The following SLC39A9 variants were observed in gnomAD, a reference collection of about 807,000 sequenced individuals.
SLC39A9 encodes zinc transporter ZIP9.
SLC39A9 carries 14 observed loss-of-function variants against 28.4 expected under a neutral mutation model. The ratio of observed to expected loss-of-function variants is 0.49; its 90% confidence interval spans 0.33 to 0.77. SLC39A9 has a LOEUF of 0.77. SLC39A9 is among the 30% of genes least tolerant of loss of function. The probability of loss-of-function intolerance (pLI) is 0.02; values close to 1 mark genes in which losing one functional copy is unlikely to be tolerated. For missense variants in SLC39A9, 283 were observed against 381.1 expected (o/e 0.74, Z 2.14); for synonymous variants, 119 against 149.6 (o/e 0.80, Z 1.49).
chr14:69,454,553 C>G, intron 4 of SLC39A9: 1 of 326,120 alleles, frequency 3.1e-6, no homozygotes, highest in Non-Finnish European at 5.5e-6. Context: ...ACAACAACAG[C>G]AACCAAAATA....
chr14:69,430,243 G>A (rs1884419185), intron 2 of SLC39A9, among the ~76,000 whole-genome samples: 2 of 151,974 alleles, frequency 1.3e-5, no homozygotes, highest in Admixed American at 6.6e-5. Context: ...TTTGCTTTTG[G>A]TGTCATATCT....
rs1474312701 is a variant in SLC39A9 at position 69,460,994 on chromosome 14, G to A, written c.*2401G>A. On this transcript the variant is annotated 3_prime_UTR_variant, in exon 7 of 7. Transcript: ENST00000336643. The stretch of plus-strand genomic sequence containing the variant: ...GCATGGTGGGCAGTATTCCAGGAGA[G>A]GCCATGTCCGTGTTCACTTCTTGGC... 3.0e-6 allele frequency: 3 copies of A among 985,412 alleles called. No individual in the cohort carries two copies. The highest frequency in any genetic ancestry group is 3.5e-5 in the African/African-American group (2 of 57,216). 61.0% of individuals were successfully genotyped at this position (985,412 alleles called of 1,614,324 possible).
In SLC39A9 at chr14:69,461,164, TTGA is replaced by T. The variant is rs1314134230; in HGVS notation, c.*2578_*2580del. On this transcript the variant is annotated 3_prime_UTR_variant, in exon 7 of 7. Coordinates refer to ENST00000336643, the MANE Select transcript of SLC39A9 (RefSeq NM_018375.5). Reference sequence around the variant, plus strand: ...ATTATTGGCTACCAAAGAGACGCAATTGATGATGAGAAGCATGATTCTTGCTTC... The same window carrying T: ...ATTATTGGCTACCAAAGAGACGCAATTGATGAGAAGCATGATTCTTGCTTC... 1.3e-5 allele frequency: 13 copies of T among 987,272 alleles called. No homozygotes were observed. Among genetic ancestry groups the T allele is most frequent in the Non-Finnish European group, 1.4e-5 (12 of 831,138 alleles). 61.2% of individuals were successfully genotyped at this position (987,272 alleles called of 1,614,324 possible). A position where few individuals can be genotyped will look rare whatever the true frequency, so the allele number is the denominator to read the frequency against.
intron 1 of SLC39A9, among the ~76,000 whole-genome samples, chr14:69,423,163 TCTA>T (rs1252695867): frequency 3.9e-5 from 6 of 152,218 alleles, no homozygotes; most frequent in Admixed American, 1.3e-4. Flanking sequence ...TATAACTTGT[TCTA>T]CTTATAAATA....
At chr14:69,406,538 C>G (rs1476241433) in intron 1 of SLC39A9, among the ~76,000 whole-genome samples, 1 of 151,936 alleles carries the variant, frequency 6.6e-6, no homozygotes, top group Non-Finnish European at 1.5e-5. Flanking sequence ...GAATTCCACA[C>G]TGGGCTGAGC....
At chr14:69,400,989 A>T (rs1325840188) in intron 1 of SLC39A9, among the ~76,000 whole-genome samples, 1 of 151,994 alleles carries the variant, frequency 6.6e-6, no homozygotes, top group Non-Finnish European at 1.5e-5. Context: ...TTAAAAAAAA[A>T]AAAAAAGAAA....
intron 2 of SLC39A9, among the ~76,000 whole-genome samples, chr14:69,440,259 C>CT (rs1884978345): frequency 6.6e-6 from 1 of 152,114 alleles, no homozygotes; most frequent in East Asian, 1.9e-4. Context: ...TGCACTCCAA[C>CT]CTGGGTACAG....
At chr14:69,410,863 A>T (rs1883224124) in intron 1 of SLC39A9, among the ~76,000 whole-genome samples, 1 of 150,638 alleles carries the variant, frequency 6.6e-6, no homozygotes, top group Admixed American at 6.6e-5. Flanking sequence ...TGACACTTTG[A>T]CTACTAAAAT....
rs536289588 is a variant in SLC39A9, at chr14:69,450,958, G to A, written c.404-2283G>A. ...TGCAGAGTTTTATGTATTATAAAAT[G>A]TCAATAAAATGTATTTATTAAATTT... On this transcript the variant is annotated intron_variant, in intron 3 of 6. Coordinates refer to ENST00000336643, the MANE Select transcript of SLC39A9 (RefSeq NM_018375.5). Among the ~76,000 whole-genome samples the A allele has an allele frequency of 3.3e-5, 5 of 152,212 alleles. No homozygotes were observed. The East Asian group carries it at 5.8e-4, about 18-fold the overall frequency.
Position 69,455,717 on chromosome 14 carries a change from A to G in SLC39A9, c.559-15A>G, listed in dbSNP as rs1885826074. 11 of 1,613,910 alleles carry G rather than the reference A, an allele frequency of 6.8e-6. No homozygotes were observed. The highest frequency in any genetic ancestry group is 9.3e-6 in the Non-Finnish European group (11 of 1,179,978). ...ACTTCTAGAATGATAATAAGAGATGATTTTTTATTTCCAGGCACCAGCTGC... is the reference window on the plus strand; with the variant it reads ...ACTTCTAGAATGATAATAAGAGATGGTTTTTTATTTCCAGGCACCAGCTGC... On this transcript the variant is annotated splice_polypyrimidine_tract_variant and intron_variant, in intron 5 of 6. Transcript: ENST00000336643.
chr14:69,450,564 C>T (rs1450229329), intron 3 of SLC39A9, among the ~76,000 whole-genome samples: 1 of 152,066 alleles, frequency 6.6e-6, no homozygotes, highest in African/African-American at 2.4e-5. Flanking sequence ...GGCTTGAGGT[C>T]AGGAGTTTGA....
chr14:69,436,456 G>C (rs1884758931), intron 2 of SLC39A9, among the ~76,000 whole-genome samples: 1 of 152,122 alleles, frequency 6.6e-6, no homozygotes, highest in African/African-American at 2.4e-5. Flanking sequence ...ATGATAACTT[G>C]AGAATCTGAG....
At position 69,414,019 on chromosome 14, in the gene SLC39A9, T is replaced by G. The variant is rs549859045; in HGVS notation, c.97-10075T>G. Among the ~76,000 whole-genome samples, 6 of 152,144 alleles carry G rather than the reference T, an allele frequency of 3.9e-5. No individual in the cohort carries two copies. In the East Asian group the frequency reaches 1.2e-3, roughly 29 times the overall value. On this transcript the variant is annotated intron_variant, in intron 1 of 6. Transcript: ENST00000336643. ...ACCTTTACTGTGGCTTTCTAAAAAC[T>G]TGCACCAAACTCCTGTTTATATTTC...
At chr14:69,416,420 T>C (rs1274977227) in intron 1 of SLC39A9, among the ~76,000 whole-genome samples, 2 of 152,202 alleles carry the variant, frequency 1.3e-5, no homozygotes, top group Admixed American at 6.5e-5. Context: ...TGAATAGTGC[T>C]GCAATAAACA....
At position 69,452,344 on chromosome 14, in the gene SLC39A9, T is replaced by G. The variant is rs142943954; in HGVS notation, c.404-897T>G. Among the ~76,000 whole-genome samples the G allele has an allele frequency of 7.0e-3, 1,071 of 152,152 alleles. 7 individuals are homozygous for G. The highest frequency in any genetic ancestry group is 0.024 in the African/African-American group (1,014 of 41,500). ...GTGGTGGGTTTTTTGTTTGTTTGTT[T>G]TTGAGACGGAGTTTCACTCTTGTTG... is the stretch of plus-strand genomic sequence containing the variant. On this transcript the variant is annotated intron_variant, in intron 3 of 6. Coordinates refer to ENST00000336643, the MANE Select transcript of SLC39A9 (RefSeq NM_018375.5).
Position 69,402,236 on chromosome 14 carries a change from A to G in SLC39A9, c.96+2771A>G, listed in dbSNP as rs995540300. On this transcript the variant is annotated intron_variant, in intron 1 of 6. Transcript: ENST00000336643. ...GATAGGTGATGAGCTAAAAAAAAAAAATGCAAAAAAAAACTCATAATGTTT... is the reference window on the plus strand; with the variant it reads ...GATAGGTGATGAGCTAAAAAAAAAAGATGCAAAAAAAAACTCATAATGTTT... Among the ~76,000 whole-genome samples, 57 of 151,774 alleles carry G rather than the reference A, an allele frequency of 3.8e-4. No homozygotes were observed. The Middle Eastern group carries it at 0.024, about 63-fold the overall frequency.
chr14:69,441,709 A>T (rs1050813612), intron 2 of SLC39A9: 1 of 756,896 alleles, frequency 1.3e-6, no homozygotes, highest in African/African-American at 1.9e-5. Flanking sequence ...TTTTCATCAG[A>T]AAAAAACAGT....
At chr14:69,432,110 T>A (rs1184163474) in intron 2 of SLC39A9, among the ~76,000 whole-genome samples, 1 of 152,212 alleles carries the variant, frequency 6.6e-6, no homozygotes, top group Admixed American at 6.5e-5. Flanking sequence ...ATGTTAGCTC[T>A]GTTTTAAATT....
At chr14:69,418,039 T>G (rs1241409495) in intron 1 of SLC39A9, among the ~76,000 whole-genome samples, 1 of 152,212 alleles carries the variant, frequency 6.6e-6, no homozygotes, top group Non-Finnish European at 1.5e-5. Flanking sequence ...CATCCCTGTC[T>G]TGTGCCAGTT....
Sources: allele counts gnomAD v4.1 joint callset (sites outside exome capture counted in the v4.1 genomes callset), GRCh38; gene constraint gnomAD v4.1.1; transcripts MANE v1.5; gene names NCBI Gene and HGNC (gene_info 2026-07-23, HGNC 2026-07-21).